The following FKTN variants were observed in gnomAD, a reference collection of about 807,000 sequenced individuals.
FKTN encodes ribitol-5-phosphate transferase FKTN.
In FKTN, 47 loss-of-function variants were observed where a neutral mutation model predicts 58.6. The observed-to-expected ratio is 0.80, with a 90% CI of 0.63 to 1.02. The LOEUF is 1.02. FKTN is among the 50% of genes least tolerant of loss of function. FKTN has a pLI of 0.00. For missense variants in FKTN, 516 were observed against 537.3 expected (o/e 0.96, Z 0.39); for synonymous variants, 178 against 191.9 (o/e 0.93, Z 0.60).
intron 10 of FKTN, among the ~76,000 whole-genome samples, chr9:105,622,731 T>C (rs1832176227): frequency 6.6e-6 from 1 of 152,084 alleles, no homozygotes; most frequent in Admixed American, 6.6e-5. Context: ...AGTTAGTACA[T>C]CTAATGCATT....
At chr9:105,604,753 G>A (rs1472170484) in intron 6 of FKTN, among the ~76,000 whole-genome samples, 1 of 152,114 alleles carries the variant, frequency 6.6e-6, no homozygotes, top group Admixed American at 6.5e-5. Flanking sequence ...TCAGGAGTTC[G>A]AGACCAGCCT....
chr9:105,581,537 G>T (rs1009985810), intron 3 of FKTN, among the ~76,000 whole-genome samples: 22 of 151,612 alleles, frequency 1.5e-4, no homozygotes, highest in East Asian at 3.9e-4. Flanking sequence ...CAGATCTCCA[G>T]CTGCGTGCTG....
At chr9:105,567,468 A>G (rs1425042262) in intron 1 of FKTN, among the ~76,000 whole-genome samples, 2 of 152,238 alleles carry the variant, frequency 1.3e-5, no homozygotes, top group African/African-American at 2.4e-5. Flanking sequence ...TACAAAATCA[A>G]TGTGCAAAAA....
intron 1 of FKTN, among the ~76,000 whole-genome samples, chr9:105,568,411 C>T (rs10991687): frequency 0.019 from 2,889 of 151,850 alleles, 44 homozygotes; most frequent in Non-Finnish European, 0.031. Context: ...AGGGCTAATA[C>T]CCAGAATCTA....
chr9:105,638,774 C>T lies in FKTN; in HGVS notation c.*3510C>T. 1 of 976,540 alleles carries T rather than the reference C, an allele frequency of 1.0e-6. No homozygotes were observed. Among genetic ancestry groups the T allele is most frequent in the Non-Finnish European group, 1.2e-6 (1 of 822,036 alleles). The allele number at this position is 976,540 out of a possible 1,614,324, so 60.5% of individuals were successfully genotyped here. ...ACTTTTAATTATTTATATTGATACT[C>T]TCTGATAAATGCAGGTAGTTAAGAA... On this transcript the variant is annotated 3_prime_UTR_variant, in exon 11 of 11. Transcript: ENST00000357998.
rs879309662 is a variant in FKTN, at chr9:105,579,766, T to TCTCCC, written c.105+4629_105+4630insCTCCC. ...GATCTGTCTAATGTTGACAGTGGGG[T>TCTCCC]GTTAAAGTCTCCCATTATTAATGTG... On this transcript the variant is annotated intron_variant, in intron 3 of 10. Coordinates refer to ENST00000357998, the MANE Select transcript of FKTN (RefSeq NM_001079802.2). 8.4e-3 allele frequency among the ~76,000 whole-genome samples: 1,240 copies of TCTCCC among 147,712 alleles called. 10 individuals carry two copies. The highest frequency in any genetic ancestry group is 0.025 in the Middle Eastern group (7 of 284).
Position 105,638,745 on chromosome 9 carries a change from A to T in FKTN, c.*3481A>T. The T allele has an allele frequency of 1.0e-6, 1 of 975,390 alleles. No individual in the cohort carries two copies. Among genetic ancestry groups the T allele is most frequent in the Non-Finnish European group, 1.2e-6 (1 of 820,878 alleles). The allele number at this position is 975,390 out of a possible 1,614,324, so 60.4% of individuals were successfully genotyped here. ...TAGAGTATCTAGTTTTTAGTATTTA[A>T]ACTACTTTTAATTATTTATATTGAT... On this transcript the variant is annotated 3_prime_UTR_variant, in exon 11 of 11. Transcript: ENST00000357998.
At chr9:105,586,965 A>G (rs1348021374) in intron 3 of FKTN, among the ~76,000 whole-genome samples, 1 of 152,200 alleles carries the variant, frequency 6.6e-6, no homozygotes, top group African/African-American at 2.4e-5. Flanking sequence ...TAAAACTTGT[A>G]TTTATTCATA....
intron 10 of FKTN, among the ~76,000 whole-genome samples, chr9:105,633,893 TC>T (rs1358272503): frequency 6.6e-6 from 1 of 152,210 alleles, no homozygotes; most frequent in Non-Finnish European, 1.5e-5. Flanking sequence ...CCCTGTTCTT[TC>T]TTTAATCCTC....
intron 10 of FKTN, among the ~76,000 whole-genome samples, chr9:105,630,961 C>T (rs1363258964): frequency 6.6e-6 from 1 of 151,846 alleles, no homozygotes; most frequent in East Asian, 1.9e-4. Flanking sequence ...GGTGATACCC[C>T]AACTCTACTA....
rs116041304 is a variant in FKTN, at chr9:105,588,002, A to G, written c.106-8596A>G. 9.0e-3 allele frequency among the ~76,000 whole-genome samples: 1,377 copies of G among 152,340 alleles called. 22 individuals are homozygous for G. Among genetic ancestry groups the G allele is most frequent in the African/African-American group, 0.032 (1,319 of 41,572 alleles). ...CCTTAGGTTTGCAAGCTTATAAGCA[A>G]TTGAAAAAGACAGTTATTGAAGACT... On this transcript the variant is annotated intron_variant, in intron 3 of 10. Coordinates refer to ENST00000357998, the MANE Select transcript of FKTN (RefSeq NM_001079802.2).
intron 10 of FKTN, among the ~76,000 whole-genome samples, chr9:105,624,034 C>G (rs1167486984): frequency 6.6e-6 from 1 of 152,066 alleles, no homozygotes; most frequent in East Asian, 1.9e-4. Context: ...GGGGTTGTTT[C>G]CTTCAATAGA....
intron 2 of FKTN, among the ~76,000 whole-genome samples, chr9:105,574,015 A>T (rs558140050): frequency 1.4e-4 from 21 of 152,224 alleles, no homozygotes; most frequent in Admixed American, 7.8e-4. Context: ...AGATGAACAG[A>T]GATGATATAG....
At chr9:105,569,674 C>G (rs1406239010) in intron 1 of FKTN, among the ~76,000 whole-genome samples, 2 of 152,156 alleles carry the variant, frequency 1.3e-5, no homozygotes, top group Non-Finnish European at 2.9e-5. Flanking sequence ...CCTGCTTCCA[C>G]TTCATCTAAG....
At chr9:105,619,763 T>TGTTACTGAG in intron 9 of FKTN, 171 bp from the exon 10 acceptor site, 1 of 550,216 alleles carries the variant, frequency 1.8e-6, no homozygotes, top group Non-Finnish European at 3.2e-6. Context: ...ATGTTACTGA[T>TGTTACTGAG]GCATCCCAAT....
At chr9:105,608,612 C>T (rs1346961329) in intron 7 of FKTN, among the ~76,000 whole-genome samples, 1 of 152,216 alleles carries the variant, frequency 6.6e-6, no homozygotes, top group Non-Finnish European at 1.5e-5. Context: ...TGAATTCTTT[C>T]ACTTGCCCTT....
rs185731603 is a variant in FKTN at position 105,616,634 on chromosome 9, G to A, written c.910+1227G>A. Among the ~76,000 whole-genome samples the A allele has an allele frequency of 7.0e-4, 106 of 152,256 alleles. 1 individual carries two copies. The highest frequency in any genetic ancestry group is 2.5e-3 in the African/African-American group (105 of 41,556). ...ATTATCATGATAGTTAATTATAGCT[G>A]TATTTGCTTTTTCTTTATAGTAACC... On this transcript the variant is annotated intron_variant, in intron 8 of 10. Transcript: ENST00000357998.
chr9:105,616,357 A>T (rs776767293), intron 8 of FKTN, among the ~76,000 whole-genome samples: 15 of 152,292 alleles, frequency 9.8e-5, no homozygotes, highest in Middle Eastern at 3.4e-3. Flanking sequence ...GTTTCTACTG[A>T]GAGGAACATT....
At chr9:105,621,904 C>G (rs1447437926) in intron 10 of FKTN, among the ~76,000 whole-genome samples, 2 of 152,044 alleles carry the variant, frequency 1.3e-5, no homozygotes, top group Non-Finnish European at 2.9e-5. Flanking sequence ...TCTTTATGCA[C>G]ACGTGTGAAA....
Sources: allele counts gnomAD v4.1 joint callset (sites outside exome capture counted in the v4.1 genomes callset), GRCh38; gene constraint gnomAD v4.1.1; transcripts MANE v1.5; gene names NCBI Gene and HGNC (gene_info 2026-07-23, HGNC 2026-07-21).